The following ATP8B2 variants were observed in gnomAD, a reference collection of about 807,000 sequenced individuals.
The protein encoded by ATP8B2 is phospholipid-transporting ATPase ID.
ATP8B2 carries 70 observed loss-of-function variants against 133.4 expected under a neutral mutation model. The observed-to-expected ratio is 0.52, with a 90% confidence interval of 0.43 to 0.64. ATP8B2 has a LOEUF of 0.64. Among genes scored for constraint, ATP8B2 ranks in the 30% least tolerant of loss-of-function variants. The pLI is 0.00. For missense variants in ATP8B2, 1,101 were observed against 1,535.7 expected (o/e 0.72, Z 4.73); for synonymous variants, 517 against 589.5 (o/e 0.88, Z 1.78).
Position 154,349,295 on chromosome 1 carries a change from T to C in ATP8B2, c.*177T>C. 2 of 886,594 alleles carry C rather than the reference T, an allele frequency of 2.3e-6. No homozygotes were observed. The highest frequency in any genetic ancestry group is 3.6e-5 in the South Asian group (2 of 55,904). 54.9% of individuals were successfully genotyped at this position (886,594 alleles called of 1,614,324 possible). A position where few individuals can be genotyped will look rare whatever the true frequency, so the allele number is the denominator to read the frequency against. On this transcript the variant is annotated 3_prime_UTR_variant, in exon 28 of 28. Transcript: ENST00000368489. ...GACATCTGTTCCCAGCTGTAGGCCC[T>C]TCCACCAGCTGGGGAGCTAGAGGGA...
At chr1:154,338,815 G>GA (rs1297737019) in intron 12 of ATP8B2, 7 of 151,922 alleles carry the variant, frequency 4.6e-5, no homozygotes, top group Admixed American at 3.9e-4. Flanking sequence ...CCCACAAAAA[G>GA]AAAAAAATGC....
chr1:154,343,443 C>T lies in ATP8B2; in HGVS notation c.1643-10C>T, dbSNP rs773815903. ...TTTTCTGGCACTTTCTTCACCTGCCCCATTCATAGTGCGGAATCCAGAGGG... is the reference window on the plus strand; with the variant it reads ...TTTTCTGGCACTTTCTTCACCTGCCTCATTCATAGTGCGGAATCCAGAGGG... On this transcript the variant is annotated splice_polypyrimidine_tract_variant and intron_variant, in intron 16 of 27. Coordinates refer to ENST00000368489, the MANE Select transcript of ATP8B2 (RefSeq NM_001370597.1). The surrounding 1 kb of genome is among the most constrained non-coding windows in gnomAD (Gnocchi z 5.8). 5.0e-6 allele frequency: 8 copies of T among 1,613,370 alleles called. No individual in the cohort carries two copies. Among genetic ancestry groups the T allele is most frequent in the Non-Finnish European group, 5.9e-6 (7 of 1,179,476 alleles).
rs1347944061 is a variant in ATP8B2 at position 154,328,532 on chromosome 1, C to T, written c.31+360C>T. 6.6e-6 allele frequency among the ~76,000 whole-genome samples: 1 copy of T among 152,156 alleles called. No individual in the cohort carries two copies. Among genetic ancestry groups the T allele is most frequent in the Non-Finnish European group, 1.5e-5 (1 of 68,020 alleles). On this transcript the variant is annotated intron_variant, in intron 2 of 27. Transcript: ENST00000368489. The surrounding 1 kb of genome is among the most constrained non-coding windows in gnomAD (Gnocchi z 4.6). Reference sequence around the variant, plus strand: ...CCATCTACCGGTTCTCCTGGTTTTTCCGCGGGCGGGGGTGTGTGTGTGTGA... The same window carrying T: ...CCATCTACCGGTTCTCCTGGTTTTTTCGCGGGCGGGGGTGTGTGTGTGTGA...
In ATP8B2 at chr1:154,330,296, T is replaced by G. The variant is rs987463591; in HGVS notation, c.32-100T>G. ...CCCCCTCAGTTGTGGAGCTAACTCCTTAAAATGATATTCTGTGGAAAAAAA... is the reference window on the plus strand; with the variant it reads ...CCCCCTCAGTTGTGGAGCTAACTCCGTAAAATGATATTCTGTGGAAAAAAA... On this transcript the variant is annotated intron_variant, in intron 2 of 27. Coordinates refer to ENST00000368489, the MANE Select transcript of ATP8B2 (RefSeq NM_001370597.1). 4.6e-6 allele frequency: 5 copies of G among 1,078,162 alleles called. No homozygotes were observed. In the Admixed American group the frequency reaches 1.1e-4, roughly 23 times the overall value. 66.8% of individuals were successfully genotyped at this position (1,078,162 alleles called of 1,614,324 possible).
At position 154,334,324 on chromosome 1, in the gene ATP8B2, A is replaced by G; in HGVS notation, c.748+59A>G. On this transcript the variant is annotated intron_variant, in intron 10 of 27. Coordinates refer to ENST00000368489, the MANE Select transcript of ATP8B2 (RefSeq NM_001370597.1). The surrounding 1 kb of genome is among the most constrained non-coding windows in gnomAD (Gnocchi z 4.6). The stretch of plus-strand genomic sequence containing the variant: ...AGAGTGACTCAGCCAGCCCTCACTC[A>G]GGAGTATGGGATGAGGTGGGAGAAT... The G allele has an allele frequency of 6.3e-7, 1 of 1,596,494 alleles. No homozygotes were observed. Among genetic ancestry groups the G allele is most frequent in the Non-Finnish European group, 8.6e-7 (1 of 1,166,550 alleles).
In ATP8B2 at chr1:154,343,599, G is replaced by T. The variant is rs1686459084; in HGVS notation, c.1758+31G>T. ...TGTGAGGAGAGGAGGGGCCAGCCTG[G>T]GGGGTTCTACTCTTAGTGTGGGGGA... On this transcript the variant is annotated intron_variant, in intron 17 of 27. Transcript: ENST00000368489. This position sits in a 1 kb window ranked among gnomAD's most constrained non-coding sequence, Gnocchi z 5.8. The T allele has an allele frequency of 1.3e-6, 2 of 1,598,784 alleles. No individual in the cohort carries two copies. The highest frequency in any genetic ancestry group is 8.6e-7 in the Non-Finnish European group (1 of 1,166,492).
In ATP8B2 at chr1:154,343,376, A is replaced by T. The variant is rs1215411670; in HGVS notation, c.1642+75A>T. On this transcript the variant is annotated intron_variant, in intron 16 of 27. Coordinates refer to ENST00000368489, the MANE Select transcript of ATP8B2 (RefSeq NM_001370597.1). The surrounding 1 kb of genome is among the most constrained non-coding windows in gnomAD (Gnocchi z 5.8). ...TGGAATGGGTGAAGTGTGCCGGGTG[A>T]CTCTTGATGTGTTTATGTTGGGGGT... 1 of 1,602,766 alleles carries T rather than the reference A, an allele frequency of 6.2e-7. No individual in the cohort carries two copies. The highest frequency in any genetic ancestry group is 8.5e-7 in the Non-Finnish European group (1 of 1,172,158).
In ATP8B2 at chr1:154,349,311, G is replaced by T; in HGVS notation, c.*193G>T. 1.0e-5 allele frequency: 8 copies of T among 801,554 alleles called. No individual in the cohort carries two copies. The South Asian group carries it at 1.5e-4, about 15-fold the overall frequency. 49.7% of individuals were successfully genotyped at this position (801,554 alleles called of 1,614,324 possible). The stretch of plus-strand genomic sequence containing the variant: ...TGTAGGCCCTTCCACCAGCTGGGGA[G>T]CTAGAGGGAGCAGGCCCAAGGGCAG... On this transcript the variant is annotated 3_prime_UTR_variant, in exon 28 of 28. Coordinates refer to ENST00000368489, the MANE Select transcript of ATP8B2 (RefSeq NM_001370597.1).
At position 154,334,723 on chromosome 1, in the gene ATP8B2, A is replaced by G. The variant is rs1570854738; in HGVS notation, c.837+132A>G. ...AAAGCTGCTAGCAGGTCAGCTACACAAAGGCAGTGTTTATTTTAGGCTCCT... is the reference window on the plus strand; with the variant it reads ...AAAGCTGCTAGCAGGTCAGCTACACGAAGGCAGTGTTTATTTTAGGCTCCT... On this transcript the variant is annotated intron_variant, in intron 11 of 27. Coordinates refer to ENST00000368489, the MANE Select transcript of ATP8B2 (RefSeq NM_001370597.1). The surrounding 1 kb of genome is among the most constrained non-coding windows in gnomAD (Gnocchi z 4.6). The G allele has an allele frequency of 1.5e-6, 1 of 675,350 alleles. No homozygotes were observed. The highest frequency in any genetic ancestry group is 2.9e-5 in the East Asian group (1 of 34,906). 41.8% of individuals were successfully genotyped at this position (675,350 alleles called of 1,614,324 possible). A position where few individuals can be genotyped will look rare whatever the true frequency, so the allele number is the denominator to read the frequency against.
At chr1:154,342,610 G>T (rs749563874) in intron 14 of ATP8B2, 87 bp downstream of exon 14, 56 of 1,500,340 alleles carry the variant, frequency 3.7e-5, no homozygotes, top group Non-Finnish European at 4.7e-5. Flanking sequence ...GTGTTGTCTG[G>T]ATAGGAAATG....
In ATP8B2 at chr1:154,345,714, C is replaced by T. The variant is rs1686559520; in HGVS notation, c.2695-86C>T. 2.9e-6 allele frequency: 4 copies of T among 1,392,990 alleles called. No homozygotes were observed. Among genetic ancestry groups the T allele is most frequent in the Non-Finnish European group, 4.1e-6 (4 of 986,896 alleles). The allele number at this position is 1,392,990 out of a possible 1,614,324, so 86.3% of individuals were successfully genotyped here. A position where few individuals can be genotyped will look rare whatever the true frequency, so the allele number is the denominator to read the frequency against. On this transcript the variant is annotated intron_variant, in intron 23 of 27. Transcript: ENST00000368489. This position sits in a 1 kb window ranked among gnomAD's most constrained non-coding sequence, Gnocchi z 5.6. ...GAGCCTCAGAAAATTTCTTAGGGTT[C>T]TCTGTATGTGACATCAGCTGTCTTC...
At position 154,344,314 on chromosome 1, in the gene ATP8B2, A is replaced by T; in HGVS notation, c.2035+60A>T. The T allele has an allele frequency of 1.2e-6, 2 of 1,614,172 alleles. No homozygotes were observed. Among genetic ancestry groups the T allele is most frequent in the Non-Finnish European group, 1.7e-6 (2 of 1,180,002 alleles). On this transcript the variant is annotated intron_variant, in intron 19 of 27. Coordinates refer to ENST00000368489, the MANE Select transcript of ATP8B2 (RefSeq NM_001370597.1). The surrounding 1 kb of genome is among the most constrained non-coding windows in gnomAD (Gnocchi z 4.1). ...GACAGTAGCCCTGTTGGACCCTTGCATGGAGCCGAGGACATCAGGCAGGCA... is the reference window on the plus strand; with the variant it reads ...GACAGTAGCCCTGTTGGACCCTTGCTTGGAGCCGAGGACATCAGGCAGGCA...
At chr1:154,327,423 T>A (rs1685824957) in intron 1 of ATP8B2, among the ~76,000 whole-genome samples, 1 of 136,406 alleles carries the variant, frequency 7.3e-6, no homozygotes, top group South Asian at 2.7e-4. Context: ...TGGACTAGGC[T>A]TGGGGTGGGA....
intron 11 of ATP8B2, among the ~76,000 whole-genome samples, chr1:154,336,971 T>G (rs1285706783): frequency 6.7e-6 from 1 of 149,134 alleles, no homozygotes; most frequent in African/African-American, 2.5e-5. Context: ...ATTTTTTTAA[T>G]GTTTTTAGTA....
intron 11 of ATP8B2, among the ~76,000 whole-genome samples, chr1:154,336,165 A>C (rs2988721): frequency 0.71 from 107,702 of 152,002 alleles, 38,898 homozygotes; most frequent in East Asian, 0.86. Context: ...GTATGTTAAA[A>C]GTAGCTCATC....
chr1:154,328,684 G>C lies in ATP8B2; in HGVS notation c.31+512G>C, dbSNP rs1685875988. 2.8e-6 allele frequency: 2 copies of C among 716,978 alleles called. No homozygotes were observed. Among genetic ancestry groups the C allele is most frequent in the African/African-American group, 3.8e-5 (2 of 52,490 alleles). 44.4% of individuals were successfully genotyped at this position (716,978 alleles called of 1,614,324 possible). A position where few individuals can be genotyped will look rare whatever the true frequency, so the allele number is the denominator to read the frequency against. On this transcript the variant is annotated intron_variant, in intron 2 of 27. Transcript: ENST00000368489. This position sits in a 1 kb window ranked among gnomAD's most constrained non-coding sequence, Gnocchi z 4.6. ...GGCGCGCTGGCAGGCTGCGGCTCCT[G>C]CAGTCGGGGAGCGGGCGGGGGCGGA...
In ATP8B2 at chr1:154,331,948, C is replaced by G. The variant is rs376550370; in HGVS notation, c.439-6C>G. ...ATTTGGACTTCTCATTAGTTTTTCT[C>G]TCTAGGCGGATCTCCTCCTCCTTTC... On this transcript the variant is annotated splice_polypyrimidine_tract_variant and splice_region_variant and intron_variant, in intron 7 of 27. Coordinates refer to ENST00000368489, the MANE Select transcript of ATP8B2 (RefSeq NM_001370597.1). The surrounding 1 kb of genome is among the most constrained non-coding windows in gnomAD (Gnocchi z 4.8). 62 of 1,613,484 alleles carry G rather than the reference C, an allele frequency of 3.8e-5. No individual in the cohort carries two copies. The African/African-American group carries it at 7.2e-4, about 19-fold the overall frequency.
At chr1:154,341,493 C>G in intron 13 of ATP8B2, 1 of 253,972 alleles carries the variant, frequency 3.9e-6, no homozygotes, top group East Asian at 1.0e-4. Context: ...CCCTGTCTCT[C>G]GAGAAAAATC....
At chr1:154,342,267 G>T (rs1686410843) in intron 13 of ATP8B2, among the ~76,000 whole-genome samples, 1 of 151,702 alleles carries the variant, frequency 6.6e-6, no homozygotes, top group Admixed American at 6.6e-5. Context: ...GCTCTTTCAT[G>T]GCCAGGCCTT....
Sources: allele counts gnomAD v4.1 joint callset (sites outside exome capture counted in the v4.1 genomes callset), GRCh38; gene constraint gnomAD v4.1.1; non-coding constraint Gnocchi (gnomAD v3.1); transcripts MANE v1.5; gene names NCBI Gene and HGNC (gene_info 2026-07-23, HGNC 2026-07-21).